The following LRMDA variants were observed in gnomAD, a reference collection of about 807,000 sequenced individuals.
The protein encoded by LRMDA is leucine-rich melanocyte differentiation-associated protein.
A neutral mutation model predicts 29.8 loss-of-function variants in LRMDA; 18 were observed. That is an observed-to-expected ratio of 0.60 (90% confidence interval 0.42 to 0.90). The LOEUF (loss-of-function observed/expected upper bound fraction) is 0.90. LRMDA is among the 40% of genes least tolerant of loss of function. The pLI is 0.00. For synonymous variants in LRMDA, 125 were observed against 109.4 expected, an observed-to-expected ratio of 1.14 and a Z score of -0.89; for missense variants, 273 against 273.9, an observed-to-expected ratio of 1.00 and a Z score of 0.02.
intron 5 of LRMDA, among the ~76,000 whole-genome samples, chr10:76,101,002 C>G (rs959095797): frequency 2.6e-5 from 4 of 151,830 alleles, no homozygotes; most frequent in African/African-American, 9.7e-5. Flanking sequence ...TCTTCACATC[C>G]AGGCATCAGA....
At chr10:76,460,277 G>A (rs1379015680) in intron 6 of LRMDA, among the ~76,000 whole-genome samples, 1 of 152,192 alleles carries the variant, frequency 6.6e-6, no homozygotes, top group African/African-American at 2.4e-5. Context: ...ATCACCCAGA[G>A]GATATGTGGA....
At chr10:75,928,363 G>A (rs1846155125) in intron 2 of LRMDA, among the ~76,000 whole-genome samples, 1 of 151,918 alleles carries the variant, frequency 6.6e-6, no homozygotes, top group South Asian at 2.1e-4. Context: ...AGGATTGCGT[G>A]ATACAATTTA....
chr10:75,997,268 A>G (rs1847485117), intron 2 of LRMDA, among the ~76,000 whole-genome samples: 2 of 152,192 alleles, frequency 1.3e-5, no homozygotes, highest in African/African-American at 2.4e-5. Context: ...AGATCCTTCT[A>G]TAAAGATACT....
intron 6 of LRMDA, among the ~76,000 whole-genome samples, chr10:76,454,980 C>T (rs930493186): frequency 1.3e-5 from 2 of 152,202 alleles, no homozygotes; most frequent in Admixed American, 6.5e-5. Context: ...CACATGAGTA[C>T]AGAGTTTTAG....
intron 6 of LRMDA, among the ~76,000 whole-genome samples, chr10:76,448,017 T>C (rs1359016635): frequency 2.0e-5 from 3 of 152,228 alleles, no homozygotes; most frequent in Non-Finnish European, 2.9e-5. Context: ...TACAATGTTA[T>C]CTTGACTAGA....
intron 5 of LRMDA, among the ~76,000 whole-genome samples, chr10:76,316,848 A>T (rs1479742376): frequency 6.6e-6 from 1 of 152,226 alleles, no homozygotes; most frequent in African/African-American, 2.4e-5. Flanking sequence ...AAAGATAATT[A>T]TTTGTTTGTA....
At chr10:76,005,927 T>TTAAATAAATAAATAAATAAA (rs10590818) in intron 2 of LRMDA, among the ~76,000 whole-genome samples, 22 of 148,412 alleles carry the variant, frequency 1.5e-4, no homozygotes, top group African/African-American at 3.5e-4. Flanking sequence ...AGACTCCATC[T>TTAAATAAATAAATAAATAAA]TAAATAAATA....
At chr10:76,026,073 GA>G (rs966204404) in intron 2 of LRMDA, among the ~76,000 whole-genome samples, 86 of 149,178 alleles carry the variant, frequency 5.8e-4, no homozygotes, top group African/African-American at 1.9e-3. Context: ...AACTTCAAAG[GA>G]AAAAAAAAAT....
At chr10:76,365,420 G>A (rs896189751) in intron 6 of LRMDA, among the ~76,000 whole-genome samples, 1 of 151,804 alleles carries the variant, frequency 6.6e-6, no homozygotes, top group African/African-American at 2.4e-5. Context: ...ACTGTTTTTT[G>A]ATTTTTTTAT....
intron 2 of LRMDA, among the ~76,000 whole-genome samples, chr10:75,734,407 A>C (rs1369239481): frequency 6.6e-6 from 1 of 152,154 alleles, no homozygotes; most frequent in East Asian, 1.9e-4. Flanking sequence ...GAAAAGTCAC[A>C]GGGTGAGTAT....
intron 6 of LRMDA, among the ~76,000 whole-genome samples, chr10:76,326,107 C>T (rs1045402691): frequency 6.6e-6 from 1 of 152,154 alleles, no homozygotes; most frequent in Non-Finnish European, 1.5e-5. Context: ...CTGACCAGTG[C>T]TGACTTGGTT....
intron 5 of LRMDA, among the ~76,000 whole-genome samples, chr10:76,243,440 C>G (rs1026923747): frequency 6.6e-6 from 1 of 152,054 alleles, no homozygotes. Flanking sequence ...TAGCTTACGT[C>G]GACACCAGCT....
chr10:75,949,463 C>T (rs1412811188), intron 2 of LRMDA, among the ~76,000 whole-genome samples: 6 of 152,136 alleles, frequency 3.9e-5, no homozygotes, highest in East Asian at 3.9e-4. Flanking sequence ...CAAAGAGCAG[C>T]GTGCAGGTTC....
chr10:76,235,291 C>G (rs913628326), intron 5 of LRMDA, among the ~76,000 whole-genome samples: 9 of 152,072 alleles, frequency 5.9e-5, no homozygotes, highest in Admixed American at 1.3e-4. Flanking sequence ...TACCCCAAAA[C>G]AATTAGGATA....
intron 5 of LRMDA, among the ~76,000 whole-genome samples, chr10:76,152,854 T>A (rs893178698): frequency 6.6e-6 from 1 of 152,082 alleles, no homozygotes; most frequent in Non-Finnish European, 1.5e-5. Flanking sequence ...TTGGCTTTTT[T>A]TTTTGAGACA....
chr10:76,418,654 T>C lies in LRMDA; in HGVS notation c.601+94169T>C, dbSNP rs554555448. 3.3e-4 allele frequency among the ~76,000 whole-genome samples: 50 copies of C among 152,122 alleles called. 1 individual carries two copies. In the South Asian group the frequency reaches 7.1e-3, roughly 21 times the overall value. On this transcript the variant is annotated intron_variant, in intron 6 of 6. Coordinates refer to ENST00000611255, the MANE Select transcript of LRMDA (RefSeq NM_001305581.2). ...ATTGGCCATGACCTCTAGTACAATA[T>C]TGAACATAAATGGTCTTGAAAGATA...
At chr10:76,025,458 G>A (rs1379034173) in intron 2 of LRMDA, among the ~76,000 whole-genome samples, 1 of 151,416 alleles carries the variant, frequency 6.6e-6, no homozygotes, top group Non-Finnish European at 1.5e-5. Context: ...TTACTGATAC[G>A]CTGTCCTGTA....
At chr10:76,515,239 T>C (rs1843048217) in intron 6 of LRMDA, among the ~76,000 whole-genome samples, 1 of 152,218 alleles carries the variant, frequency 6.6e-6, no homozygotes, top group Admixed American at 6.5e-5. Context: ...TTTGTTCTTG[T>C]AACTCCATAG....
At chr10:75,600,172 C>T (rs1285996361) in intron 2 of LRMDA, among the ~76,000 whole-genome samples, 3 of 146,236 alleles carry the variant, frequency 2.1e-5, no homozygotes, top group East Asian at 1.9e-4. Context: ...ACACCTTTTT[C>T]CCCCCAAGTA....
Sources: allele counts gnomAD v4.1 joint callset (sites outside exome capture counted in the v4.1 genomes callset), GRCh38; gene constraint gnomAD v4.1.1; transcripts MANE v1.5; gene names NCBI Gene and HGNC (gene_info 2026-07-23, HGNC 2026-07-21).